FER1L5: variants seen among roughly 807,000 people sequenced by gnomAD.
FER1L5 encodes fer-1-like protein 5.
In FER1L5, 187 loss-of-function variants were observed where a neutral mutation model predicts 279.9. The ratio of observed to expected loss-of-function variants is 0.67; its 90% CI spans 0.59 to 0.75. The LOEUF (loss-of-function observed/expected upper bound fraction) is 0.75. Ranked by LOEUF, FER1L5 falls within the 30% of genes least tolerant of loss-of-function variation. FER1L5 has a pLI of 0.00. For missense variants in FER1L5, 2,091 were observed against 2,594.4 expected (o/e 0.81, Z 4.21); for synonymous variants, 921 against 989.7 (o/e 0.93, Z 1.30).
At chr2:96,696,641 C>G (rs1034875149) in intron 37 of FER1L5, among the ~76,000 whole-genome samples, 1 of 152,110 alleles carries the variant, frequency 6.6e-6, no homozygotes, top group African/African-American at 2.4e-5. Flanking sequence ...TGGCTCACAT[C>G]TGTAATCCCA....
Position 96,703,323 on chromosome 2 carries a change from G to A in FER1L5, c.5668G>A (p.Asp1890Asn), listed in dbSNP as rs2077659978. ...VTGWWPCQVL[D>N]GGKWRLSGKV... ...TGGCTGGTGGCCTTGCCAGGTCCTC[G>A]ATGGTGGCAAATGGCGCTTGTCGGT... is the stretch of plus-strand genomic sequence containing the variant. The change falls in exon 50 of 53, where the codon GAT becomes AAT. Residue 1890 changes from aspartate to asparagine, a missense_variant. By Grantham distance (23) the Asp-to-Asn change is conservative (BLOSUM62 1). Coordinates refer to ENST00000624922, the MANE Select transcript of FER1L5 (RefSeq NM_001293083.2). 9 of 1,611,748 alleles carry A rather than the reference G, an allele frequency of 5.6e-6. No individual in the cohort carries two copies. Among genetic ancestry groups the A allele is most frequent in the Non-Finnish European group, 7.6e-6 (9 of 1,178,886 alleles).
chr2:96,673,366 A>G (rs1049662545), intron 19 of FER1L5, 112 bp downstream of exon 19: 5 of 1,172,402 alleles, frequency 4.3e-6, no homozygotes, highest in African/African-American at 3.1e-5. Flanking sequence ...TTATTTACCT[A>G]TATTTCACAC....
At chr2:96,692,595 A>T (rs1006389651) in intron 31 of FER1L5, among the ~76,000 whole-genome samples, 9 of 152,212 alleles carry the variant, frequency 5.9e-5, no homozygotes, top group African/African-American at 2.2e-4. Flanking sequence ...CTAGTGGGGC[A>T]TGAGGGCAAG....
intron 9 of FER1L5, among the ~76,000 whole-genome samples, chr2:96,656,558 T>TG (rs2075608100): frequency 6.6e-6 from 1 of 152,146 alleles, no homozygotes; most frequent in African/African-American, 2.4e-5. Flanking sequence ...TGAACCCAGA[T>TG]GGTAGAGGTT....
Position 96,687,801 on chromosome 2 carries a change from C to T in FER1L5, c.2230-15C>T, listed in dbSNP as rs904720028. Reference sequence around the variant, plus strand: ...TGTTTAGTGCCCCTGTGGGACCGATCGGCCTCTGGCTCAGTACCCAGAGGG... The same window carrying T: ...TGTTTAGTGCCCCTGTGGGACCGATTGGCCTCTGGCTCAGTACCCAGAGGG... On this transcript the variant is annotated splice_polypyrimidine_tract_variant and intron_variant, in intron 23 of 52. Transcript: ENST00000624922. 1.1e-5 allele frequency: 17 copies of T among 1,550,654 alleles called. No homozygotes were observed. The highest frequency in any genetic ancestry group is 1.7e-4 in the Middle Eastern group (1 of 6,012).
chr2:96,677,794 G>A (rs1376184881), intron 19 of FER1L5, among the ~76,000 whole-genome samples: 1 of 151,848 alleles, frequency 6.6e-6, no homozygotes, highest in East Asian at 1.9e-4. Flanking sequence ...GAACCCAGGA[G>A]GCGGAGGTTG....
chr2:96,686,023 A>G lies in FER1L5; in HGVS notation c.1979A>G (p.Gln660Arg), dbSNP rs1283552008. ...TGGCAGCTCCGCAGCCTCCTCCTGC[A>G]GGAACTGGCCCAAAAGGCCAAGCAA... ...KRWQLRSLLL[Q>R]ELAQKAKQAK... The change falls in exon 22 of 53, where the codon CAG becomes CGG. Residue 660 changes from glutamine (Q) to arginine (R), a missense_variant. By Grantham distance (43) the Gln-to-Arg change is conservative. Coordinates refer to ENST00000624922, the MANE Select transcript of FER1L5 (RefSeq NM_001293083.2). The G allele has an allele frequency of 1.9e-6, 3 of 1,551,460 alleles. No individual in the cohort carries two copies. In the African/African-American group the frequency reaches 4.1e-5, roughly 21 times the overall value.
Position 96,702,018 on chromosome 2 carries a change from A to C in FER1L5, c.5134A>C (p.Asn1712His). 1 of 1,614,008 alleles carries C rather than the reference A, an allele frequency of 6.2e-7. No homozygotes were observed. Among genetic ancestry groups the C allele is most frequent in the Non-Finnish European group, 8.5e-7 (1 of 1,179,886 alleles). The change falls in exon 46 of 53, where the codon AAC (asparagine) becomes CAC (histidine). Residue 1712 changes from asparagine to histidine, a missense_variant. Asn to His is a moderately conservative substitution (Grantham distance 68). Coordinates refer to ENST00000624922, the MANE Select transcript of FER1L5 (RefSeq NM_001293083.2). This position sits in a 1 kb window ranked among gnomAD's most constrained non-coding sequence, Gnocchi z 4.0. ...GCTGGGGCCTCCTGGCCCCCAAGTC[A>C]ACATCAACCCCAGAAAGCCTAAACG... Reference protein sequence around the residue: ...KKLGPPGPQVNINPRKPKRYE... With the variant: ...KKLGPPGPQVHINPRKPKRYE...
At chr2:96,670,294 T>G in intron 18 of FER1L5, 47 bp downstream of exon 18, 1 of 1,545,080 alleles carries the variant, frequency 6.5e-7, no homozygotes, top group Non-Finnish European at 8.7e-7. Flanking sequence ...GAGCCCTGTC[T>G]GCCCCGGATC....
intron 20 of FER1L5, 143 bp from the exon 21 acceptor site, chr2:96,685,186 A>G: frequency 5.7e-6 from 4 of 701,312 alleles, no homozygotes; most frequent in South Asian, 3.3e-5. Flanking sequence ...GTTGTGGACA[A>G]CCTTGAACTG....
chr2:96,684,783 G>A (rs2076858075), intron 20 of FER1L5, among the ~76,000 whole-genome samples: 1 of 152,160 alleles, frequency 6.6e-6, no homozygotes, highest in African/African-American at 2.4e-5. Flanking sequence ...ATAGTCAGAG[G>A]AGGTGTGCAC....
chr2:96,659,287 A>G (rs912136553), intron 9 of FER1L5, among the ~76,000 whole-genome samples: 1 of 105,248 alleles, frequency 9.5e-6, no homozygotes, highest in Non-Finnish European at 1.9e-5. Flanking sequence ...CAATTTATCA[A>G]GCTTTCCTTC....
chr2:96,682,785 A>G (rs2076777795), intron 19 of FER1L5, among the ~76,000 whole-genome samples: 1 of 152,186 alleles, frequency 6.6e-6, no homozygotes, highest in South Asian at 2.1e-4. Context: ...GGCTCATTGT[A>G]GCCTCAAACT....
chr2:96,659,438 T>G lies in FER1L5; in HGVS notation c.748-903T>G, dbSNP rs1217994449. Among the ~76,000 whole-genome samples the G allele has an allele frequency of 6.7e-4, 17 of 25,342 alleles. No individual in the cohort carries two copies. The East Asian group carries it at 0.015, about 22-fold the overall frequency. The allele number at this position is 25,342 out of a possible 152,430, so 16.6% of individuals were successfully genotyped here. A position where few individuals can be genotyped will look rare whatever the true frequency, so the allele number is the denominator to read the frequency against. On this transcript the variant is annotated intron_variant, in intron 9 of 52. Coordinates refer to ENST00000624922, the MANE Select transcript of FER1L5 (RefSeq NM_001293083.2). ...CTTTCTTTCTTTCTTTCTTTCTTTC[T>G]TTCTTTCTTTCTTTCTTTCTTTCTT... is the stretch of plus-strand genomic sequence containing the variant.
intron 1 of FER1L5, among the ~76,000 whole-genome samples, chr2:96,645,067 A>G (rs1466141304): frequency 6.6e-6 from 1 of 152,154 alleles, no homozygotes; most frequent in East Asian, 1.9e-4. Context: ...CTCTTCCTTC[A>G]TATGCCATCC....
chr2:96,699,499 G>T lies in FER1L5; in HGVS notation c.4611-51G>T, dbSNP rs369119877. On this transcript the variant is annotated intron_variant, in intron 42 of 52. Coordinates refer to ENST00000624922, the MANE Select transcript of FER1L5 (RefSeq NM_001293083.2). ...GCCGAGACACCGGTGAGGGAGGGGG[G>T]CACAGAGACATTGCCCACATCCTCT... 80 of 1,567,248 alleles carry T rather than the reference G, an allele frequency of 5.1e-5. No homozygotes were observed. In the South Asian group the frequency reaches 8.8e-4, roughly 17 times the overall value.
At chr2:96,686,584 C>T (rs1013549908) in intron 23 of FER1L5, among the ~76,000 whole-genome samples, 26 of 151,918 alleles carry the variant, frequency 1.7e-4, no homozygotes, top group African/African-American at 5.1e-4. Flanking sequence ...TCGCTGGGCA[C>T]GGTGGCTCAC....
intron 9 of FER1L5, among the ~76,000 whole-genome samples, chr2:96,659,762 A>T (rs1329593962): frequency 6.6e-6 from 1 of 151,820 alleles, no homozygotes; most frequent in Non-Finnish European, 1.5e-5. Context: ...AAGTGCTGGG[A>T]TTACAGGCGT....
At chr2:96,666,656 T>A (rs974525280) in intron 14 of FER1L5, among the ~76,000 whole-genome samples, 2 of 151,224 alleles carry the variant, frequency 1.3e-5, no homozygotes, top group Non-Finnish European at 2.9e-5. Context: ...CTTTTATTTA[T>A]TTATTTTTTT....
Sources: gnomAD v4.1 joint callset for allele counts (sites outside exome capture counted in the v4.1 genomes callset) on GRCh38, gnomAD v4.1.1 for gene constraint, Gnocchi (gnomAD v3.1) non-coding constraint, MANE v1.5 for transcripts, NCBI Gene and HGNC (gene_info 2026-07-23, HGNC 2026-07-21) for gene names.